The following DOCK6 variants were observed in gnomAD, a reference collection of about 807,000 sequenced individuals.
The protein encoded by DOCK6 is dedicator of cytokinesis 6.
A neutral mutation model predicts 230.3 loss-of-function variants in DOCK6; 167 were observed. The ratio of observed to expected loss-of-function variants is 0.73; its 90% CI spans 0.64 to 0.82. The LOEUF is 0.82. DOCK6 is among the 40% of genes least tolerant of loss of function. The pLI is 0.00. For synonymous variants in DOCK6, 1,148 were observed against 1,185.0 expected (o/e 0.97, Z 0.64); for missense variants, 2,598 against 2,825.8 (o/e 0.92, Z 1.83).
In DOCK6 at chr19:11,251,025, C is replaced by G. The variant is rs2080109935; in HGVS notation, c.569G>C (p.Ser190Thr). The G allele has an allele frequency of 5.0e-6, 8 of 1,613,716 alleles. No individual in the cohort carries two copies. The East Asian group carries it at 1.8e-4, about 36-fold the overall frequency. ...EDTPRSSGAS[S>T]IFDLRNLAAD... ...TGCCAGGTTCCTCAGGTCGAAGATG[C>G]TAGAGGCACCACTGCTTCGAGGGGT... Residue 190 changes from serine (S) to threonine (T), a missense_variant, in exon 6 of 48, where the codon AGC becomes ACC. Ser to Thr is a moderately conservative substitution (Grantham distance 58). Coordinates refer to ENST00000294618, the MANE Select transcript of DOCK6 (RefSeq NM_020812.4).
At position 11,200,528 on chromosome 19, in the gene DOCK6, T is replaced by G; in HGVS notation, c.5940-59A>C. 2 of 1,577,380 alleles carry G rather than the reference T, an allele frequency of 1.3e-6. No individual in the cohort carries two copies. The highest frequency in any genetic ancestry group is 3.6e-5 in the Admixed American group (2 of 55,270). On this transcript the variant is annotated intron_variant, in intron 46 of 47. Coordinates refer to ENST00000294618, the MANE Select transcript of DOCK6 (RefSeq NM_020812.4). This position sits in a 1 kb window ranked among gnomAD's most constrained non-coding sequence, Gnocchi z 4.3. ...TCGCACACGGGACTGAAAGCAAGAC[T>G]AGGGGTGGGGGCACCCATAAGGCGG...
intron 24 of DOCK6, among the ~76,000 whole-genome samples, chr19:11,223,500 A>G (rs2079614540): frequency 6.6e-6 from 1 of 152,206 alleles, no homozygotes; most frequent in African/African-American, 2.4e-5. Context: ...TGCCAGGGCC[A>G]GGCCCACACA....
chr19:11,200,400 C>A lies in DOCK6; in HGVS notation c.6009G>T (p.Leu2003=). The change falls in exon 47 of 48, where the codon CTG becomes CTT. Residue 2003 remains leucine, a synonymous_variant. Coordinates refer to ENST00000294618, the MANE Select transcript of DOCK6 (RefSeq NM_020812.4). The surrounding 1 kb of genome is among the most constrained non-coding windows in gnomAD (Gnocchi z 4.3). ...CCCGCAGGCGGCAGTAGTTGCGCTC[C>A]AGCTCACGGTGGTACTCCTTCTGGT... ...GPDQKEYHRE[L]ERNYCRLREA... is the part of the protein sequence containing the mutation. 1 of 1,608,768 alleles carries A rather than the reference C, an allele frequency of 6.2e-7. No homozygotes were observed. The highest frequency in any genetic ancestry group is 2.2e-5 in the East Asian group (1 of 44,628).
chr19:11,240,059 G>A (rs750832846), intron 14 of DOCK6: 124 of 1,548,292 alleles, frequency 8.0e-5, no homozygotes, highest in Middle Eastern at 1.7e-4. Context: ...GATTTTCAGC[G>A]ATAAACTCAG....
At chr19:11,216,093 T>G (rs1469431577) in intron 30 of DOCK6, 166 bp from the exon 31 acceptor site, 4 of 815,098 alleles carry the variant, frequency 4.9e-6, no homozygotes, top group Non-Finnish European at 7.1e-6. Flanking sequence ...AAAAAAAATT[T>G]TTTTTTTTTC....
At chr19:11,206,140 C>T (rs1270479599) in intron 39 of DOCK6, 6 of 152,120 alleles carry the variant, frequency 3.9e-5, no homozygotes, top group Admixed American at 3.9e-4. Context: ...ACAGCCAGCC[C>T]CACACAAACC....
At chr19:11,239,709 G>T (rs1440181542) in intron 14 of DOCK6, 1 of 1,613,606 alleles carries the variant, frequency 6.2e-7, no homozygotes, top group East Asian at 2.2e-5. Flanking sequence ...CGGCCCCCAT[G>T]GGCGGCCCAG....
intron 35 of DOCK6, among the ~76,000 whole-genome samples, chr19:11,212,937 C>T (rs570719816): frequency 6.9e-5 from 10 of 145,720 alleles, no homozygotes; most frequent in East Asian, 6.2e-4. Context: ...GTGGCACAGT[C>T]GTGGCCCACT....
intron 2 of DOCK6, among the ~76,000 whole-genome samples, chr19:11,253,221 T>C (rs1415272256): frequency 6.6e-6 from 1 of 151,716 alleles, no homozygotes; most frequent in Non-Finnish European, 1.5e-5. Flanking sequence ...AAACTAACAG[T>C]GGAAGGAAAG....
At position 11,222,771 on chromosome 19, in the gene DOCK6, G is replaced by A. The variant is rs754042780; in HGVS notation, c.3204C>T (p.Ala1068=). Residue 1068 remains alanine, a synonymous_variant, in exon 26 of 48, where the codon GCC becomes GCT. Coordinates refer to ENST00000294618, the MANE Select transcript of DOCK6 (RefSeq NM_020812.4). The surrounding 1 kb of genome is among the most constrained non-coding windows in gnomAD (Gnocchi z 4.0). ...NLPCCPLSPP[A]SPSPSVSSTT... is the part of the protein sequence containing the mutation. ...TGGAGGACACAGAGGGGGAGGGCGA[G>A]GCTGGAGGTGACAGGGGGCAGCAGG... 4.4e-6 allele frequency: 7 copies of A among 1,582,098 alleles called. No individual in the cohort carries two copies. In the South Asian group the frequency reaches 6.9e-5, roughly 16 times the overall value.
chr19:11,252,247 A>T lies in DOCK6; in HGVS notation c.379T>A (p.Tyr127Asn). ...CTGTATGCTGCACTCAGGTACTGAT[A>T]CCTAGCAGGAAACGGGGCTGGGCAG... is the stretch of plus-strand genomic sequence containing the variant. ...IEDWVIVHRR[Y>N]QYLSAAYSPV... Residue 127 changes from tyrosine (Y) to asparagine (N), a missense_variant and splice_region_variant, in exon 5 of 48, where the codon TAT becomes AAT. Physicochemically the swap from Tyr to Asn is moderately radical, Grantham distance 143. Transcript: ENST00000294618. The T allele has an allele frequency of 6.3e-7, 1 of 1,582,224 alleles. No homozygotes were observed. Among genetic ancestry groups the T allele is most frequent in the African/African-American group, 1.3e-5 (1 of 74,458 alleles).
chr19:11,259,556 C>CTTTTTTTTTTT lies in DOCK6; in HGVS notation c.44+2830_44+2840dup, dbSNP rs756965986. On this transcript the variant is annotated intron_variant, in intron 1 of 47. Coordinates refer to ENST00000294618, the MANE Select transcript of DOCK6 (RefSeq NM_020812.4). ...CCTCCAATGAATCATTATTTCTTTT[C>CTTTTTTTTTTT]TTTTTTTTTTTTTTTTTTTGAGATG... is the stretch of plus-strand genomic sequence containing the variant. Among the ~76,000 whole-genome samples, 248 of 103,648 alleles carry CTTTTTTTTTTT rather than the reference C, an allele frequency of 2.4e-3. 7 individuals carry two copies. The highest frequency in any genetic ancestry group is 0.017 in the Middle Eastern group (2 of 118). 68.0% of individuals were successfully genotyped at this position (103,648 alleles called of 152,430 possible).
chr19:11,261,846 C>CT (rs200384465), intron 1 of DOCK6, among the ~76,000 whole-genome samples: 1 of 151,976 alleles, frequency 6.6e-6, no homozygotes, highest in African/African-American at 2.4e-5. Flanking sequence ...CCCCCTTCCC[C>CT]CCCCCCGACA....
At position 11,213,221 on chromosome 19, in the gene DOCK6, G is replaced by T; in HGVS notation, c.4446C>A (p.Ser1482Arg). ...GTCGCATGAGCAGGTACAGCGAGGC[G>T]CTGGCGTGCGTGCGGATGGTGCTGA... Reference protein sequence around the residue: ...SRISTIRTHASASLYLLMRQN... With the variant: ...SRISTIRTHARASLYLLMRQN... The change falls in exon 35 of 48, where the codon AGC becomes AGA. Residue 1482 changes from serine to arginine, a missense_variant. By Grantham distance (110) the Ser-to-Arg change is moderately radical. Transcript: ENST00000294618. The T allele has an allele frequency of 6.2e-7, 1 of 1,613,196 alleles. No individual in the cohort carries two copies. Among genetic ancestry groups the T allele is most frequent in the South Asian group, 1.1e-5 (1 of 91,074 alleles).
At position 11,214,276 on chromosome 19, in the gene DOCK6, T is replaced by C. The variant is rs1424798832; in HGVS notation, c.4337A>G (p.Lys1446Arg). ...GLATQRALVS[K>R]FPELLFEEDT... ...TCATGGTTGTTGAGTGGTGCTCACC[T>C]TGGACACAAGGGCCCTCTGGGTGGC... Residue 1446 changes from lysine (K) to arginine (R), a missense_variant and splice_region_variant, in exon 34 of 48, where the codon AAG (lysine) becomes AGG (arginine). Lys to Arg is a conservative substitution (Grantham distance 26). Transcript: ENST00000294618. The C allele has an allele frequency of 6.2e-7, 1 of 1,608,844 alleles. No homozygotes were observed. The highest frequency in any genetic ancestry group is 8.5e-7 in the Non-Finnish European group (1 of 1,177,886).
At position 11,242,057 on chromosome 19, in the gene DOCK6, T is replaced by C. The variant is rs925396086; in HGVS notation, c.1631A>G (p.His544Arg). 3.8e-6 allele frequency: 6 copies of C among 1,565,716 alleles called. No homozygotes were observed. Among genetic ancestry groups the C allele is most frequent in the Non-Finnish European group, 5.2e-6 (6 of 1,164,874 alleles). ...CCAGAGGCCGTACCTGTAGCTGGTA[T>C]GGGGGGCATAGACTTCGCGGGCGGG... ...EFPAREVYAP[H>R]TSYRNLLYVY... The change falls in exon 14 of 48, where the codon CAT (histidine) becomes CGT (arginine). Residue 544 changes from histidine (H) to arginine (R), a missense_variant. Physicochemically the swap from His to Arg is conservative, Grantham distance 29. Transcript: ENST00000294618.
chr19:11,228,771 C>A (rs1193599742), intron 23 of DOCK6, 169 bp downstream of exon 23: 1 of 573,166 alleles, frequency 1.7e-6, no homozygotes, highest in Non-Finnish European at 3.1e-6. Context: ...ACCGTGTTAG[C>A]CAGGATGGTC....
chr19:11,251,389 G>A, intron 5 of DOCK6: 1 of 293,558 alleles, frequency 3.4e-6, no homozygotes. Flanking sequence ...GGCTCCAAGG[G>A]CCTGGGCTGG....
intron 14 of DOCK6, chr19:11,239,621 A>T (rs764003138): frequency 6.2e-7 from 1 of 1,613,294 alleles, no homozygotes; most frequent in South Asian, 1.1e-5. Context: ...CTGTGGCTAT[A>T]CCTTAGACCC....
Sources: allele counts gnomAD v4.1 joint callset (sites outside exome capture counted in the v4.1 genomes callset), GRCh38; gene constraint gnomAD v4.1.1; non-coding constraint Gnocchi (gnomAD v3.1); transcripts MANE v1.5; gene names NCBI Gene and HGNC (gene_info 2026-07-23, HGNC 2026-07-21).